TRIM37: variants seen among roughly 807,000 people sequenced by gnomAD.
TRIM37 encodes tripartite motif containing 37.
A neutral mutation model predicts 129.8 loss-of-function variants in TRIM37; 80 were observed. The ratio of observed to expected loss-of-function variants is 0.62; its 90% CI spans 0.51 to 0.74. The LOEUF is 0.74. Ranked by LOEUF, TRIM37 falls within the 30% of genes least tolerant of loss-of-function variation. The probability of loss-of-function intolerance (pLI) is 0.00; values close to 1 mark genes in which losing one functional copy is unlikely to be tolerated. For synonymous variants in TRIM37, 389 were observed against 387.1 expected (o/e 1.00, Z -0.06); for missense variants, 1,054 against 1,176.5 (o/e 0.90, Z 1.52).
chr17:59,043,760 A>G (rs2039495366), intron 16 of TRIM37, among the ~76,000 whole-genome samples: 1 of 152,172 alleles, frequency 6.6e-6, no homozygotes, highest in Non-Finnish European at 1.5e-5. Flanking sequence ...CCTGAAAAGG[A>G]AAGAACTAAG....
chr17:59,073,300 T>TC (rs2042539667), intron 8 of TRIM37, among the ~76,000 whole-genome samples: 2 of 148,328 alleles, frequency 1.3e-5, no homozygotes, highest in Non-Finnish European at 3.0e-5. Flanking sequence ...ATTATTTACT[T>TC]TTTTTTTTTT....
At chr17:59,077,732 C>T (rs1469959441) in intron 7 of TRIM37, among the ~76,000 whole-genome samples, 1 of 145,788 alleles carries the variant, frequency 6.9e-6, no homozygotes, top group East Asian at 2.0e-4. Context: ...ATCTCTTGAA[C>T]CTGGGAAGCA....
At chr17:59,034,058 G>T (rs907034858) in intron 17 of TRIM37, among the ~76,000 whole-genome samples, 1 of 150,812 alleles carries the variant, frequency 6.6e-6, no homozygotes, top group African/African-American at 2.4e-5. Flanking sequence ...AGTGAGCCAA[G>T]ATCACACCAC....
downstream of TRIM37, chr17:58,980,263 A>G (rs1309948461): frequency 6.2e-7 from 1 of 1,614,216 alleles, no homozygotes; most frequent in South Asian, 1.1e-5. This position sits in a 1 kb window ranked among gnomAD's most constrained non-coding sequence, Gnocchi z 4.7. Context: ...TTAGTGAGGA[A>G]TCAGATTGGA....
At chr17:59,065,728 A>G (rs1161027866) in intron 9 of TRIM37, among the ~76,000 whole-genome samples, 4 of 152,360 alleles carry the variant, frequency 2.6e-5, no homozygotes, top group South Asian at 4.1e-4. Flanking sequence ...TATATTTTCT[A>G]AAGTTCAATT....
chr17:59,058,884 T>C (rs1420199506), intron 12 of TRIM37, among the ~76,000 whole-genome samples: 5 of 152,068 alleles, frequency 3.3e-5, no homozygotes, highest in South Asian at 2.1e-4. Flanking sequence ...GAAGTATACA[T>C]TGGGAAAGCC....
chr17:58,969,648 T>C, the TRIM37 span: 1 of 1,614,088 alleles, frequency 6.2e-7, no homozygotes, highest in Non-Finnish European at 8.5e-7. Context: ...CAGGAGATGT[T>C]CCCCCATGAT....
chr17:59,023,266 T>A (rs900889236), intron 19 of TRIM37, among the ~76,000 whole-genome samples: 5 of 152,008 alleles, frequency 3.3e-5, no homozygotes, highest in Non-Finnish European at 7.4e-5. Context: ...TTAGTAGACA[T>A]GGGGTTTCTC....
At chr17:59,028,340 A>G in intron 19 of TRIM37, 75 bp downstream of exon 19, 1 of 1,399,830 alleles carries the variant, frequency 7.1e-7, no homozygotes, top group Non-Finnish European at 9.9e-7. Context: ...TTTAAATATT[A>G]TTCTTTTGAA....
At chr17:59,079,648 A>G in intron 7 of TRIM37, 106 bp downstream of exon 7, 6 of 1,456,584 alleles carry the variant, frequency 4.1e-6, no homozygotes, top group Non-Finnish European at 5.8e-6. Context: ...GGAGTTGCCT[A>G]AAATCTCAAG....
At chr17:59,068,707 A>G (rs2042117923) in intron 9 of TRIM37, among the ~76,000 whole-genome samples, 2 of 152,362 alleles carry the variant, frequency 1.3e-5, no homozygotes, top group South Asian at 4.1e-4. Context: ...GAGGTTGTTA[A>G]TCAAAAAGAA....
At chr17:59,069,116 G>A (rs2042157434) in intron 9 of TRIM37, among the ~76,000 whole-genome samples, 1 of 152,124 alleles carries the variant, frequency 6.6e-6, no homozygotes, top group African/African-American at 2.4e-5. Context: ...GGAGGTCGAG[G>A]CAGGCAAATC....
At chr17:59,091,535 A>C (rs2044334639) in intron 2 of TRIM37, among the ~76,000 whole-genome samples, 195 bp from the exon 3 acceptor site, 1 of 118,034 alleles carries the variant, frequency 8.5e-6, no homozygotes, top group African/African-American at 3.2e-5. Context: ...TATAATGTAT[A>C]ATAATGTATA....
At chr17:58,996,792 ATGTGTGTGTGTG>A (rs111408971), downstream of TRIM37, among the ~76,000 whole-genome samples, 13 of 79,328 alleles carry the variant, frequency 1.6e-4, no homozygotes, top group East Asian at 3.8e-4. Context: ...GTATATATAT[ATGTGTGTGTGTG>A]TGTGTGTGTG....
intron 2 of TRIM37, among the ~76,000 whole-genome samples, chr17:59,101,795 C>T (rs2045536245): frequency 6.8e-6 from 1 of 147,016 alleles, no homozygotes; most frequent in Non-Finnish European, 1.5e-5. Context: ...CAAAAATAGC[C>T]GGGCATCATG....
chr17:58,999,516 T>C (rs1418340701), intron 23 of TRIM37, 57 bp from the exon 24 acceptor site: 7 of 1,401,522 alleles, frequency 5.0e-6, no homozygotes, highest in Non-Finnish European at 6.9e-6. Flanking sequence ...ACAAGGGCAG[T>C]ATTTTCCTTC....
chr17:59,103,952 C>A (rs1324092808), intron 2 of TRIM37, among the ~76,000 whole-genome samples: 4 of 152,188 alleles, frequency 2.6e-5, no homozygotes, highest in African/African-American at 9.7e-5. Flanking sequence ...ATATTCATCT[C>A]TAGAGTGTCT....
chr17:58,972,986 AACTCTGATACAGGGAACCT>A, the TRIM37 span: 1 of 1,167,854 alleles, frequency 8.6e-7, no homozygotes, highest in Non-Finnish European at 1.3e-6. Context: ...CTCCTGTATC[AACTCTGATACAGGGAACCT>A]GAGATGATAA....
At chr17:59,081,937 C>CAAAA (rs1157296161) in intron 5 of TRIM37, among the ~76,000 whole-genome samples, 28 of 48,874 alleles carry the variant, frequency 5.7e-4, no homozygotes, top group African/African-American at 1.9e-3. Flanking sequence ...TAATAAAAAC[C>CAAAA]AAAAAAAAAA....
Sources: allele counts gnomAD v4.1 joint callset (sites outside exome capture counted in the v4.1 genomes callset), GRCh38; gene constraint gnomAD v4.1.1; non-coding constraint Gnocchi (gnomAD v3.1); transcripts MANE v1.5; gene names NCBI Gene and HGNC (gene_info 2026-07-23, HGNC 2026-07-21).